ABAT: variants seen among roughly 807,000 people sequenced by gnomAD.
ABAT encodes 4-aminobutyrate aminotransferase.
In ABAT, 45 loss-of-function variants were observed where a neutral mutation model predicts 64.6. The ratio of observed to expected loss-of-function variants is 0.70; its 90% CI spans 0.55 to 0.89. ABAT has a LOEUF of 0.89. Ranked by LOEUF, ABAT falls within the 40% of genes least tolerant of loss-of-function variation. The pLI, the probability that ABAT is intolerant of heterozygous loss-of-function variation, is 0.00. For missense variants in ABAT, 633 were observed against 658.4 expected, an observed-to-expected ratio of 0.96 and a Z score of 0.42; for synonymous variants, 297 against 250.5, an observed-to-expected ratio of 1.19 and a Z score of -1.75.
At chr16:8,769,015 T>C in intron 11 of ABAT, 42 bp downstream of exon 11, 1 of 1,613,178 alleles carries the variant, frequency 6.2e-7, no homozygotes, top group Non-Finnish European at 8.5e-7. Flanking sequence ...CCACCAGTCC[T>C]GTTGCTCTTG....
chr16:8,778,667 A>G (rs1174482085), intron 14 of ABAT, among the ~76,000 whole-genome samples: 2 of 151,906 alleles, frequency 1.3e-5, no homozygotes, highest in Admixed American at 6.6e-5. Flanking sequence ...AATCCCAGGT[A>G]TTTAGGAGGC....
chr16:8,698,018 T>C (rs2057741553), intron 1 of ABAT, among the ~76,000 whole-genome samples: 1 of 152,188 alleles, frequency 6.6e-6, no homozygotes, highest in Non-Finnish European at 1.5e-5. Flanking sequence ...TCAGTAAAAA[T>C]ATTCATTGAG....
At chr16:8,715,736 A>G (rs1369602140) in intron 1 of ABAT, 4 of 151,386 alleles carry the variant, frequency 2.6e-5, no homozygotes, top group Non-Finnish European at 5.9e-5. Context: ...TAGTATTTTT[A>G]TGTCATGAAT....
chr16:8,678,146 T>C (rs1490532543), intron 1 of ABAT, among the ~76,000 whole-genome samples: 1 of 152,192 alleles, frequency 6.6e-6, no homozygotes, highest in African/African-American at 2.4e-5. Flanking sequence ...GAGAAGGAGA[T>C]GTGTCTAGCT....
chr16:8,765,144 C>T (rs1351372559), intron 8 of ABAT, among the ~76,000 whole-genome samples: 1 of 151,830 alleles, frequency 6.6e-6, no homozygotes, highest in Non-Finnish European at 1.5e-5. Context: ...CCAGCCTGGG[C>T]AACATGACGA....
intron 4 of ABAT, 41 bp downstream of exon 4, chr16:8,748,178 A>G (rs746301879): frequency 5.1e-5 from 81 of 1,583,422 alleles, no homozygotes; most frequent in Non-Finnish European, 6.5e-5. Context: ...TTGCTTCTTT[A>G]TCACAATTGA....
intron 6 of ABAT, among the ~76,000 whole-genome samples, chr16:8,759,308 C>G (rs1463744278): frequency 6.6e-6 from 1 of 151,830 alleles, no homozygotes; most frequent in African/African-American, 2.4e-5. Context: ...AAATACAGTA[C>G]ATATGGAGTG....
At chr16:8,766,982 A>G (rs1025173879) in intron 9 of ABAT, among the ~76,000 whole-genome samples, 3 of 152,100 alleles carry the variant, frequency 2.0e-5, no homozygotes, top group African/African-American at 7.2e-5. Flanking sequence ...AAACAAAACA[A>G]AACAAAAAAA....
chr16:8,732,903 ACGGGGCGG>A (rs2142344296), intron 1 of ABAT, among the ~76,000 whole-genome samples: 7 of 146,190 alleles, frequency 4.8e-5, no homozygotes, highest in African/African-American at 1.8e-4. Context: ...TCACCTCCGG[ACGGGGCGG>A]CTGGCCGGGC....
rs2060024553 is a variant in ABAT, at chr16:8,768,988, C to G, written c.816+15C>G. 6.2e-7 allele frequency: 1 copy of G among 1,613,814 alleles called. No individual in the cohort carries two copies. Among genetic ancestry groups the G allele is most frequent in the Non-Finnish European group, 8.5e-7 (1 of 1,179,932 alleles). On this transcript the variant is annotated intron_variant, in intron 11 of 15. Coordinates refer to ENST00000268251, the MANE Select transcript of ABAT (RefSeq NM_020686.6). ...GTCTGGAAGAGGTAATGCTCATACCCTGCGGATCCTCCCCAACCACCAGTC... is the reference window on the plus strand; with the variant it reads ...GTCTGGAAGAGGTAATGCTCATACCGTGCGGATCCTCCCCAACCACCAGTC...
chr16:8,677,694 T>A (rs1402998225), intron 1 of ABAT, among the ~76,000 whole-genome samples: 2 of 152,194 alleles, frequency 1.3e-5, no homozygotes, highest in Admixed American at 6.5e-5. Context: ...ATCAGAAATG[T>A]CTGCAGACAT....
At chr16:8,692,114 C>T (rs1407883833) in intron 1 of ABAT, among the ~76,000 whole-genome samples, 2 of 152,184 alleles carry the variant, frequency 1.3e-5, no homozygotes, top group Non-Finnish European at 2.9e-5. Flanking sequence ...TCGCCGTGGG[C>T]TCATGTCTGT....
Position 8,746,135 on chromosome 16 carries a change from A to C in ABAT, c.168+37A>C, listed in dbSNP as rs200166202. ...ACACCTGAGTGGGGTATTTTGGAAA[A>C]GGGAAAAAGGCGCCTAAGAAGCAAA... On this transcript the variant is annotated intron_variant, in intron 3 of 15. Transcript: ENST00000268251. The C allele has an allele frequency of 6.6e-5, 102 of 1,537,786 alleles. No homozygotes were observed. The African/African-American group carries it at 1.0e-3, about 15-fold the overall frequency.
At chr16:8,729,032 C>T (rs1453722775) in intron 1 of ABAT, among the ~76,000 whole-genome samples, 1 of 152,074 alleles carries the variant, frequency 6.6e-6, no homozygotes, top group Non-Finnish European at 1.5e-5. Context: ...AGGGGCCGGG[C>T]ACGGTGGCTC....
At chr16:8,722,703 C>A in intron 1 of ABAT, 1 of 686,326 alleles carries the variant, frequency 1.5e-6, no homozygotes, top group Non-Finnish European at 2.1e-6. Flanking sequence ...AATTTCATGG[C>A]GTGCCAGTGC....
At chr16:8,754,300 A>G (rs575185940) in intron 5 of ABAT, among the ~76,000 whole-genome samples, 1 of 151,632 alleles carries the variant, frequency 6.6e-6, no homozygotes, top group Non-Finnish European at 1.5e-5. Context: ...GGCTGCAGTG[A>G]GCCATGATTA....
At chr16:8,677,181 T>C (rs1463312998) in intron 1 of ABAT, among the ~76,000 whole-genome samples, 1 of 152,202 alleles carries the variant, frequency 6.6e-6, no homozygotes, top group Non-Finnish European at 1.5e-5. Context: ...TTAATCCTCA[T>C]AAAATGTTTA....
chr16:8,710,683 T>TGAGAGAGAGAGAGAGAGAGA (rs762237876), intron 1 of ABAT, among the ~76,000 whole-genome samples: 48 of 87,840 alleles, frequency 5.5e-4, no homozygotes, highest in Middle Eastern at 5.8e-3. Context: ...AAGGCTGCAC[T>TGAGAGAGAGAGAGAGAGAGA]GAGAGAGAGA....
At position 8,777,297 on chromosome 16, in the gene ABAT, G is replaced by A. The variant is rs76803083; in HGVS notation, c.1269+807G>A. Among the ~76,000 whole-genome samples, 875 of 150,788 alleles carry A rather than the reference G, an allele frequency of 5.8e-3. 8 individuals are homozygous for A. Among genetic ancestry groups the A allele is most frequent in the African/African-American group, 0.02 (828 of 40,914 alleles). On this transcript the variant is annotated intron_variant, in intron 14 of 15. Coordinates refer to ENST00000268251, the MANE Select transcript of ABAT (RefSeq NM_020686.6). ...CCCCTCTAGTGTGTTCATTATTCCC[G>A]CCTTTGTGCAACCTGTTGCATACTT...
Sources: allele counts gnomAD v4.1 joint callset (sites outside exome capture counted in the v4.1 genomes callset), GRCh38; gene constraint gnomAD v4.1.1; transcripts MANE v1.5; gene names NCBI Gene and HGNC (gene_info 2026-07-23, HGNC 2026-07-21).